ABHD5: variants seen among roughly 807,000 people sequenced by gnomAD.
ABHD5 encodes abhydrolase domain containing 5, lysophosphatidic acid acyltransferase.
A neutral mutation model predicts 44.9 loss-of-function variants in ABHD5; 30 were observed. The observed-to-expected ratio is 0.67, with a 90% confidence interval of 0.50 to 0.91. The LOEUF is 0.91. ABHD5 is among the 40% of genes least tolerant of loss of function. ABHD5 has a pLI of 0.00. For missense variants in ABHD5, 399 were observed against 423.4 expected (o/e 0.94, Z 0.50); for synonymous variants, 167 against 147.0 (o/e 1.14, Z -0.99).
At position 43,719,551 on chromosome 3, in the gene ABHD5, G is replaced by A. The variant is rs541842732; in HGVS notation, c.*1019G>A. 1.3e-5 allele frequency: 2 copies of A among 152,272 alleles called. No individual in the cohort carries two copies. The highest frequency in any genetic ancestry group is 4.1e-4 in the South Asian group (2 of 4,830). 9.4% of individuals were successfully genotyped at this position (152,272 alleles called of 1,614,324 possible). ...GCACCAGAAATGAGCTAGCACTTGG[G>A]TTTGTTGTTGCTGTTGTTTATTAAG... On this transcript the variant is annotated 3_prime_UTR_variant, in exon 7 of 7. Transcript: ENST00000644371.
At chr3:43,690,935 C>T (rs1020326471), upstream of ABHD5, 9 of 1,530,640 alleles carry the variant, frequency 5.9e-6, no homozygotes, top group Admixed American at 2.0e-5. Context: ...CCCGGGGCGG[C>T]CCAGTCGGCC....
intron 7 of ABHD5, among the ~76,000 whole-genome samples, chr3:43,729,117 C>T (rs952211082): frequency 7.9e-5 from 12 of 152,190 alleles, no homozygotes; most frequent in Non-Finnish European, 2.9e-5. Context: ...CAGGAGATCC[C>T]TCCTTGTGGA....
intron 3 of ABHD5, among the ~76,000 whole-genome samples, chr3:43,706,731 A>C (rs1311809939): frequency 6.6e-6 from 1 of 152,210 alleles, no homozygotes; most frequent in African/African-American, 2.4e-5. Flanking sequence ...TACAGGCATG[A>C]GACACCGTGC....
chr3:43,710,229 A>G (rs2084670306), intron 3 of ABHD5, among the ~76,000 whole-genome samples: 1 of 152,210 alleles, frequency 6.6e-6, no homozygotes, highest in African/African-American at 2.4e-5. Context: ...CATTTATCAC[A>G]TATCTTCATA....
chr3:43,690,965 A>G lies in ABHD5; in HGVS notation c.-28A>G, dbSNP rs758418869. On this transcript the variant is annotated 5_prime_UTR_variant, in exon 1 of 7. In the 5' UTR this introduces an upstream ATG that the reference lacks. Coordinates refer to ENST00000644371, the MANE Select transcript of ABHD5 (RefSeq NM_016006.6). ...TCGGCCTGTCAGCCGGCTTCGAGATAAGTCCCGGCGCTTGCGCGGCGGCGG... is the reference window on the plus strand; with the variant it reads ...TCGGCCTGTCAGCCGGCTTCGAGATGAGTCCCGGCGCTTGCGCGGCGGCGG... 18 of 1,558,792 alleles carry G rather than the reference A, an allele frequency of 1.2e-5. No individual in the cohort carries two copies. The highest frequency in any genetic ancestry group is 1.4e-5 in the African/African-American group (1 of 70,578).
chr3:43,722,412 T>C lies in ABHD5; in HGVS notation c.*3880T>C, dbSNP rs1223681129. 5.3e-5 allele frequency: 8 copies of C among 152,178 alleles called. No individual in the cohort carries two copies. Among genetic ancestry groups the C allele is most frequent in the Admixed American group, 4.6e-4 (7 of 15,278 alleles). The allele number at this position is 152,178 out of a possible 1,614,324, so 9.4% of individuals were successfully genotyped here. ...TGTATTTGCTTTTTTTGTAAAGCAA[T>C]AGAAGAATTAGTTATACCAATAACT... is the stretch of plus-strand genomic sequence containing the variant. On this transcript the variant is annotated 3_prime_UTR_variant, in exon 7 of 7. Coordinates refer to ENST00000644371, the MANE Select transcript of ABHD5 (RefSeq NM_016006.6).
chr3:43,712,963 A>G (rs948151565), intron 4 of ABHD5, among the ~76,000 whole-genome samples: 1 of 151,982 alleles, frequency 6.6e-6, no homozygotes, highest in Non-Finnish European at 1.5e-5. Flanking sequence ...TGCACCAATC[A>G]TGATTTGTTT....
intron 1 of ABHD5, among the ~76,000 whole-genome samples, chr3:43,694,677 T>G (rs1479060623): frequency 1.3e-5 from 2 of 151,918 alleles, no homozygotes; most frequent in African/African-American, 4.8e-5. Context: ...CTAAAACACT[T>G]ATACTACCAA....
intron 3 of ABHD5, chr3:43,707,818 CA>C (rs1266113715): frequency 6.6e-6 from 1 of 152,202 alleles, no homozygotes; most frequent in Non-Finnish European, 1.5e-5. Context: ...TTTGTAGAGA[CA>C]GGGTTTCGCC....
chr3:43,701,946 A>G lies in ABHD5; in HGVS notation c.134-269A>G, dbSNP rs2084546851. ...ACCCTCATTTGACAGATGTGGAAAG[A>G]AGTTAGAAGGTAATATGACTTGCCA... On this transcript the variant is annotated intron_variant, in intron 2 of 6. Transcript: ENST00000644371. 4 of 364,138 alleles carry G rather than the reference A, an allele frequency of 1.1e-5. No homozygotes were observed. The East Asian group carries it at 2.0e-4, about 18-fold the overall frequency. 22.6% of individuals were successfully genotyped at this position (364,138 alleles called of 1,614,324 possible).
chr3:43,691,134 G>T (rs1374980835), intron 1 of ABHD5, 95 bp downstream of exon 1: 3 of 1,248,832 alleles, frequency 2.4e-6, no homozygotes, highest in Non-Finnish European at 3.1e-6. Context: ...AGGAGTCGCC[G>T]CCCGCCTGGC....
At chr3:43,734,040 C>T (rs1417962659) in exon 8 of ABHD5, 1 of 152,218 alleles carries the variant, frequency 6.6e-6, no homozygotes, top group Non-Finnish European at 1.5e-5. Context: ...AAGGATCTCT[C>T]CCTCTGCAGT....
chr3:43,690,987 G>A lies in ABHD5; in HGVS notation c.-6G>A. Reference sequence around the variant, plus strand: ...GATAAGTCCCGGCGCTTGCGCGGCGGCGGCTATGGCGGCGGAGGAGGAGGA... The same window carrying A: ...GATAAGTCCCGGCGCTTGCGCGGCGACGGCTATGGCGGCGGAGGAGGAGGA... On this transcript the variant is annotated 5_prime_UTR_variant, in exon 1 of 7. Transcript: ENST00000644371. 2.5e-6 allele frequency: 4 copies of A among 1,573,224 alleles called. No homozygotes were observed. Among genetic ancestry groups the A allele is most frequent in the East Asian group, 2.5e-5 (1 of 40,072 alleles).
rs1218252127 is a variant in ABHD5, at chr3:43,719,615, T to C, written c.*1083T>C. ...TTAAATCATTACATACTTGAAGTTA[T>C]ATTACAAAAATTCTAGAAGGTTGAT... On this transcript the variant is annotated 3_prime_UTR_variant, in exon 7 of 7. Coordinates refer to ENST00000644371, the MANE Select transcript of ABHD5 (RefSeq NM_016006.6). 2 of 152,210 alleles carry C rather than the reference T, an allele frequency of 1.3e-5. No individual in the cohort carries two copies. Among genetic ancestry groups the C allele is most frequent in the Non-Finnish European group, 2.9e-5 (2 of 68,016 alleles). The allele number at this position is 152,210 out of a possible 1,614,324, so 9.4% of individuals were successfully genotyped here.
At position 43,705,278 on chromosome 3, in the gene ABHD5, A is replaced by G. The variant is rs142814584; in HGVS notation, c.506+2691A>G. Among the ~76,000 whole-genome samples, 305 of 152,258 alleles carry G rather than the reference A, an allele frequency of 2.0e-3. 1 individual carries two copies. Among genetic ancestry groups the G allele is most frequent in the African/African-American group, 6.8e-3 (283 of 41,548 alleles). On this transcript the variant is annotated intron_variant, in intron 3 of 6. Coordinates refer to ENST00000644371, the MANE Select transcript of ABHD5 (RefSeq NM_016006.6). ...TTTCTAATTTATTTTTGGGAGAAAA[A>G]TTAGTTTCAGATATGCAAGCATAAG...
intron 1 of ABHD5, among the ~76,000 whole-genome samples, chr3:43,697,760 C>T (rs935008783): frequency 3.3e-5 from 5 of 152,236 alleles, no homozygotes; most frequent in Admixed American, 1.3e-4. Context: ...TGTGCAGGTC[C>T]AGGAAAATAT....
At chr3:43,715,161 T>G in intron 5 of ABHD5, 103 bp downstream of exon 5, 1 of 816,326 alleles carries the variant, frequency 1.2e-6, no homozygotes, top group Non-Finnish European at 2.0e-6. Flanking sequence ...ACTATTTATT[T>G]ATTTATTTAT....
Position 43,721,632 on chromosome 3 carries a change from G to GACTGTGAGCCCAGGAGTTTGAGGAT in ABHD5, c.*3101_*3125dup, listed in dbSNP as rs1284230877. 3 of 151,948 alleles carry GACTGTGAGCCCAGGAGTTTGAGGAT rather than the reference G, an allele frequency of 2.0e-5. No individual in the cohort carries two copies. Among genetic ancestry groups the GACTGTGAGCCCAGGAGTTTGAGGAT allele is most frequent in the Admixed American group, 6.6e-5 (1 of 15,248 alleles). 9.4% of individuals were successfully genotyped at this position (151,948 alleles called of 1,614,324 possible). On this transcript the variant is annotated 3_prime_UTR_variant, in exon 7 of 7. Coordinates refer to ENST00000644371, the MANE Select transcript of ABHD5 (RefSeq NM_016006.6). ...CCTACTTGGGAGGCTGAGGTAGGAGGACTGTGAGCCCAGGAGTTTGAGGAT... is the reference window on the plus strand; with the variant it reads ...CCTACTTGGGAGGCTGAGGTAGGAGGACTGTGAGCCCAGGAGTTTGAGGATACTGTGAGCCCAGGAGTTTGAGGAT...
downstream of ABHD5, among the ~76,000 whole-genome samples, chr3:43,723,453 T>G (rs2084857070): frequency 6.6e-6 from 1 of 152,226 alleles, no homozygotes; most frequent in African/African-American, 2.4e-5. Flanking sequence ...GAGAAGCATT[T>G]ATTTGGTGGC....
Sources: allele counts gnomAD v4.1 joint callset (sites outside exome capture counted in the v4.1 genomes callset), GRCh38; gene constraint gnomAD v4.1.1; transcripts MANE v1.5; gene names NCBI Gene and HGNC (gene_info 2026-07-23, HGNC 2026-07-21).